FMN1: variants seen among roughly 807,000 people sequenced by gnomAD.
FMN1 encodes the protein formin 1, also known as formin-1.
In FMN1, 110 loss-of-function variants were observed where a neutral mutation model predicts 132.4. The ratio of observed to expected loss-of-function variants is 0.83; its 90% CI spans 0.71 to 0.97. The LOEUF (loss-of-function observed/expected upper bound fraction) is 0.97, where lower values mean the gene tolerates loss of function less well. Among genes scored for constraint, FMN1 ranks in the 50% least tolerant of loss-of-function variants. The pLI, the probability that FMN1 is intolerant of heterozygous loss-of-function variation, is 0.00. For synonymous variants in FMN1, 722 were observed against 651.7 expected (o/e 1.11, Z -1.64); for missense variants, 1,792 against 1,705.3 (o/e 1.05, Z -0.90).
chr15:32,897,266 G>C (rs891226629), intron 15 of FMN1, among the ~76,000 whole-genome samples: 1 of 151,890 alleles, frequency 6.6e-6, no homozygotes, highest in African/African-American at 2.4e-5. Context: ...TTTAAAATTG[G>C]GTTTTTCTTT....
At chr15:33,095,676 A>G (rs150721397) in intron 4 of FMN1, among the ~76,000 whole-genome samples, 1 of 152,274 alleles carries the variant, frequency 6.6e-6, no homozygotes, top group African/African-American at 2.4e-5. Flanking sequence ...CCTGGCCCCA[A>G]AAATATTATT....
intron 7 of FMN1, among the ~76,000 whole-genome samples, chr15:32,975,580 T>C (rs754051084): frequency 1.1e-4 from 16 of 152,234 alleles, no homozygotes; most frequent in South Asian, 6.2e-4. Flanking sequence ...TCTTCTGATC[T>C]CTTTTCTGTT....
chr15:32,765,631 T>G lies in FMN1; in HGVS notation c.*8679A>C, dbSNP rs2056020086. ...GCAATTCTCTGTAAATTCCAAAAAA[T>G]ATAATTCTCTTAAAACAAATTAACA... On this transcript the variant is annotated 3_prime_UTR_variant, in exon 21 of 21. Transcript: ENST00000616417. 1 of 22,262 alleles carries G rather than the reference T, an allele frequency of 4.5e-5. No individual in the cohort carries two copies. 1.4% of individuals were successfully genotyped at this position (22,262 alleles called of 1,614,324 possible).
At chr15:32,818,713 A>G (rs1361053209) in intron 17 of FMN1, among the ~76,000 whole-genome samples, 1 of 152,164 alleles carries the variant, frequency 6.6e-6, no homozygotes, top group Non-Finnish European at 1.5e-5. Flanking sequence ...TGCAAAAAAT[A>G]TTGAGGATCA....
intron 7 of FMN1, among the ~76,000 whole-genome samples, chr15:32,980,766 T>C (rs180910584): frequency 1.1e-3 from 168 of 152,272 alleles, no homozygotes; most frequent in Middle Eastern, 3.4e-3. Context: ...CTCATGCATA[T>C]ACACTTTGGG....
At chr15:32,868,776 A>C (rs184874231) in intron 16 of FMN1, among the ~76,000 whole-genome samples, 1 of 152,142 alleles carries the variant, frequency 6.6e-6, no homozygotes, top group African/African-American at 2.4e-5. Context: ...CGGGTTCCAT[A>C]AACATTCATA....
intron 17 of FMN1, among the ~76,000 whole-genome samples, chr15:32,853,198 ATTTTG>A (rs1045784545): frequency 5.3e-5 from 8 of 152,202 alleles, no homozygotes; most frequent in African/African-American, 1.7e-4. Flanking sequence ...CATCATTATT[ATTTTG>A]TTTTTTCAAC....
chr15:33,001,254 GCTTGGGTAACAAGAGTAAGACTC>G (rs1411463733), intron 7 of FMN1, among the ~76,000 whole-genome samples: 3 of 152,040 alleles, frequency 2.0e-5, no homozygotes, highest in Non-Finnish European at 4.4e-5. Context: ...TTTCAATCTA[GCTTGGGTAACAAGAGTAAGACTC>G]CGTCTCAAAA....
At chr15:32,804,871 T>C (rs542203605) in intron 17 of FMN1, among the ~76,000 whole-genome samples, 21 of 152,320 alleles carry the variant, frequency 1.4e-4, no homozygotes, top group African/African-American at 5.1e-4. Context: ...TAGTATTCCA[T>C]GGTGTATATG....
chr15:32,842,641 C>T (rs759284676), intron 17 of FMN1, among the ~76,000 whole-genome samples: 5 of 152,086 alleles, frequency 3.3e-5, no homozygotes, highest in South Asian at 2.1e-4. Context: ...ACTAATAATA[C>T]GTAAAAGTTT....
At chr15:33,080,965 G>T (rs571719562) in intron 5 of FMN1, among the ~76,000 whole-genome samples, 21 of 152,028 alleles carry the variant, frequency 1.4e-4, no homozygotes, top group African/African-American at 4.8e-4. Flanking sequence ...CCCGGAGCTT[G>T]CTTCAAGGCT....
intron 9 of FMN1, among the ~76,000 whole-genome samples, chr15:32,937,413 T>A (rs2061301435): frequency 6.6e-6 from 1 of 152,186 alleles, no homozygotes; most frequent in East Asian, 1.9e-4. Flanking sequence ...TACAACTGGT[T>A]TCATGCTCAC....
chr15:32,858,526 G>T (rs1169954973), intron 16 of FMN1, among the ~76,000 whole-genome samples: 1 of 152,154 alleles, frequency 6.6e-6, no homozygotes, highest in Non-Finnish European at 1.5e-5. Flanking sequence ...CACAGGACAG[G>T]GGTACCGAAA....
At chr15:32,807,515 C>T (rs1301473083) in intron 17 of FMN1, among the ~76,000 whole-genome samples, 1 of 152,194 alleles carries the variant, frequency 6.6e-6, no homozygotes, top group Non-Finnish European at 1.5e-5. Flanking sequence ...GGAAAAATTC[C>T]TCTGAGGCCC....
At chr15:33,103,926 C>T (rs2039387113) in intron 4 of FMN1, among the ~76,000 whole-genome samples, 1 of 152,066 alleles carries the variant, frequency 6.6e-6, no homozygotes, top group South Asian at 2.1e-4. Flanking sequence ...GCCTTGGGGG[C>T]ATAATCCTAC....
At chr15:32,980,006 G>C (rs74012421) in intron 7 of FMN1, among the ~76,000 whole-genome samples, 1,558 of 152,264 alleles carry the variant, frequency 0.01, 29 homozygotes, top group African/African-American at 0.036. Flanking sequence ...AGTCACTTGA[G>C]AAATCTGCCA....
intron 4 of FMN1, among the ~76,000 whole-genome samples, chr15:33,094,009 G>A (rs973525973): frequency 2.6e-5 from 4 of 152,164 alleles, no homozygotes; most frequent in Non-Finnish European, 4.4e-5. Flanking sequence ...AGCAGCAAAG[G>A]CAGAACTAAA....
Position 32,984,756 on chromosome 15 carries a change from T to C in FMN1, c.2224-15279A>G, listed in dbSNP as rs115981428. On this transcript the variant is annotated intron_variant, in intron 7 of 20. Coordinates refer to ENST00000616417, the MANE Select transcript of FMN1 (RefSeq NM_001277313.2). ...CTAAGTGAAATTCAACATTTTTTTC[T>C]ACACAAATTGCATTAAGCAGGATCC... Among the ~76,000 whole-genome samples the C allele has an allele frequency of 4.2e-3, 635 of 152,242 alleles. 3 individuals carry two copies. Among genetic ancestry groups the C allele is most frequent in the African/African-American group, 0.015 (608 of 41,556 alleles).
intron 5 of FMN1, among the ~76,000 whole-genome samples, chr15:33,078,738 C>A (rs1401418313): frequency 6.6e-6 from 1 of 151,870 alleles, no homozygotes; most frequent in Admixed American, 6.6e-5. Flanking sequence ...TACTGCATTT[C>A]AAATTCTAAA....
Sources: allele counts gnomAD v4.1 joint callset (sites outside exome capture counted in the v4.1 genomes callset), GRCh38; gene constraint gnomAD v4.1.1; transcripts MANE v1.5; gene names NCBI Gene and HGNC (gene_info 2026-07-23, HGNC 2026-07-21).